ULK4: variants seen among roughly 807,000 people sequenced by gnomAD.
The protein encoded by ULK4 is unc-51 like kinase 4.
Under a neutral mutation model 160.6 loss-of-function variants are expected in ULK4, and 133 were observed. The ratio of observed to expected loss-of-function variants is 0.83; its 90% CI spans 0.72 to 0.96. The LOEUF (loss-of-function observed/expected upper bound fraction) is 0.96. Ranked by LOEUF, ULK4 falls within the 40% of genes least tolerant of loss-of-function variation. ULK4 has a pLI of 0.00. For synonymous variants in ULK4, 534 were observed against 539.8 expected (o/e 0.99, Z 0.15); for missense variants, 1,580 against 1,499.5 (o/e 1.05, Z -0.89).
At position 41,958,881 on chromosome 3, in the gene ULK4, A is replaced by C. The variant is rs569109800; in HGVS notation, c.-49+3135T>G. On this transcript the variant is annotated intron_variant, in intron 1 of 36. Coordinates refer to ENST00000301831, the MANE Select transcript of ULK4 (RefSeq NM_017886.4). ...ACTCACCTTTGCTCTTGAACTACAA[A>C]AGCAACCAGAGACAATAAGCAAAGG... Among the ~76,000 whole-genome samples the C allele has an allele frequency of 5.9e-5, 9 of 152,224 alleles. No homozygotes were observed. The South Asian group carries it at 1.9e-3, about 32-fold the overall frequency.
At chr3:41,443,417 C>T (rs1045295148) in intron 34 of ULK4, among the ~76,000 whole-genome samples, 1 of 152,172 alleles carries the variant, frequency 6.6e-6, no homozygotes, top group Non-Finnish European at 1.5e-5. Flanking sequence ...GCTTTGCTGC[C>T]TGTGCATAAA....
chr3:41,252,488 T>A (rs1182219722), intron 35 of ULK4, among the ~76,000 whole-genome samples: 1 of 151,032 alleles, frequency 6.6e-6, no homozygotes, highest in Non-Finnish European at 1.5e-5. Flanking sequence ...TAACCACAAA[T>A]TTAAATTTAA....
At chr3:41,508,510 C>T (rs1355414991) in intron 32 of ULK4, among the ~76,000 whole-genome samples, 1 of 152,124 alleles carries the variant, frequency 6.6e-6, no homozygotes, top group Non-Finnish European at 1.5e-5. Flanking sequence ...CACCTCCTGG[C>T]TGGAGGTCAA....
At chr3:41,724,705 A>C (rs543806824) in intron 22 of ULK4, among the ~76,000 whole-genome samples, 132 of 152,316 alleles carry the variant, frequency 8.7e-4, no homozygotes, top group African/African-American at 3.1e-3. Context: ...CCTGGGCGAC[A>C]GAGTGAGACT....
At chr3:41,301,621 G>A (rs2079800681) in intron 35 of ULK4, among the ~76,000 whole-genome samples, 1 of 152,136 alleles carries the variant, frequency 6.6e-6, no homozygotes, top group African/African-American at 2.4e-5. Flanking sequence ...GCATACATCT[G>A]AGGAAATGCA....
intron 32 of ULK4, among the ~76,000 whole-genome samples, chr3:41,549,752 G>A (rs2086995889): frequency 1.3e-5 from 2 of 151,860 alleles, no homozygotes; most frequent in South Asian, 4.2e-4. Flanking sequence ...TAGTCAAACC[G>A]TCAAAAGTCA....
intron 35 of ULK4, among the ~76,000 whole-genome samples, chr3:41,270,501 G>A (rs921568785): frequency 3.3e-5 from 5 of 151,982 alleles, no homozygotes; most frequent in African/African-American, 1.2e-4. Flanking sequence ...TTTAGTTTTT[G>A]TTGTTTTTCT....
chr3:41,482,029 T>C (rs2084346147), intron 32 of ULK4, among the ~76,000 whole-genome samples: 1 of 152,130 alleles, frequency 6.6e-6, no homozygotes, highest in Non-Finnish European at 1.5e-5. Flanking sequence ...CTCCTCTTAC[T>C]TTTGGGAATG....
intron 20 of ULK4, among the ~76,000 whole-genome samples, chr3:41,791,200 T>C (rs987606756): frequency 4.6e-5 from 7 of 152,262 alleles, no homozygotes; most frequent in Admixed American, 1.3e-4. Flanking sequence ...TTCACCGTGT[T>C]AGCCAGGATG....
chr3:41,261,567 C>G (rs1203061202), intron 35 of ULK4, among the ~76,000 whole-genome samples: 1 of 152,206 alleles, frequency 6.6e-6, no homozygotes, highest in Non-Finnish European at 1.5e-5. Flanking sequence ...TTTCTAGCCC[C>G]ACTGCCTACA....
chr3:41,372,821 C>T (rs542893711), intron 35 of ULK4, among the ~76,000 whole-genome samples: 6 of 152,244 alleles, frequency 3.9e-5, no homozygotes, highest in Admixed American at 3.9e-4. Flanking sequence ...GGGCTAAATG[C>T]CCCAATTAAA....
intron 31 of ULK4, among the ~76,000 whole-genome samples, chr3:41,572,335 G>A (rs535529124): frequency 6.6e-6 from 1 of 152,092 alleles, no homozygotes; most frequent in African/African-American, 2.4e-5. Context: ...CAGAGTAGGC[G>A]GGGGTGAAAA....
chr3:41,696,354 A>T (rs1393623616), intron 27 of ULK4, among the ~76,000 whole-genome samples: 1 of 152,202 alleles, frequency 6.6e-6, no homozygotes, highest in African/African-American at 2.4e-5. Flanking sequence ...ATAATGGTGT[A>T]AGCTGTCTCT....
At chr3:41,844,438 C>T (rs1001599229) in intron 17 of ULK4, among the ~76,000 whole-genome samples, 9 of 152,164 alleles carry the variant, frequency 5.9e-5, no homozygotes, top group African/African-American at 1.9e-4. Context: ...TGCCCGGGGC[C>T]GGCAGGGCCA....
chr3:41,771,754 G>A (rs2039387740), intron 21 of ULK4, among the ~76,000 whole-genome samples: 1 of 151,962 alleles, frequency 6.6e-6, no homozygotes. Flanking sequence ...GTGAAGCAAA[G>A]AAAAAACGTA....
intron 35 of ULK4, among the ~76,000 whole-genome samples, chr3:41,340,971 A>G (rs2080670103): frequency 6.6e-6 from 1 of 152,218 alleles, no homozygotes; most frequent in Non-Finnish European, 1.5e-5. Flanking sequence ...GGAGACGAAC[A>G]TATGTACAAA....
In ULK4 at chr3:41,496,511, A is replaced by T. The variant is rs74706115; in HGVS notation, c.3227-33258T>A. Among the ~76,000 whole-genome samples, 1,374 of 152,148 alleles carry T rather than the reference A, an allele frequency of 9.0e-3. 6 individuals carry two copies. Among genetic ancestry groups the T allele is most frequent in the Non-Finnish European group, 0.014 (962 of 68,008 alleles). ...TGACAGGGTCCAAGTAGAAGTGGGCAGTCTTACTTTGCTGATGAGAAGTAA... is the reference window on the plus strand; with the variant it reads ...TGACAGGGTCCAAGTAGAAGTGGGCTGTCTTACTTTGCTGATGAGAAGTAA... On this transcript the variant is annotated intron_variant, in intron 32 of 36. Transcript: ENST00000301831.
At chr3:41,581,092 T>C (rs1469224400) in intron 31 of ULK4, among the ~76,000 whole-genome samples, 1 of 152,096 alleles carries the variant, frequency 6.6e-6, no homozygotes, top group Non-Finnish European at 1.5e-5. Context: ...TCCCAGAATA[T>C]ACACTAATCA....
At chr3:41,455,819 T>C (rs2083536852) in intron 33 of ULK4, among the ~76,000 whole-genome samples, 1 of 152,194 alleles carries the variant, frequency 6.6e-6, no homozygotes, top group East Asian at 1.9e-4. Flanking sequence ...CTACAGAGGC[T>C]GACCTGGACA....
Sources: allele counts gnomAD v4.1 joint callset (sites outside exome capture counted in the v4.1 genomes callset), GRCh38; gene constraint gnomAD v4.1.1; transcripts MANE v1.5; gene names NCBI Gene and HGNC (gene_info 2026-07-23, HGNC 2026-07-21).